The following CCNC variants were observed in gnomAD, a reference collection of about 807,000 sequenced individuals.
CCNC encodes cyclin C.
Under a neutral mutation model 50.0 loss-of-function variants are expected in CCNC, and 19 were observed. The ratio of observed to expected loss-of-function variants is 0.38; its 90% CI spans 0.27 to 0.56. The LOEUF is 0.56. CCNC is among the 20% of genes least tolerant of loss of function. The probability of loss-of-function intolerance (pLI) is 0.72; values close to 1 mark genes in which losing one functional copy is unlikely to be tolerated. For missense variants in CCNC, 200 were observed against 327.1 expected, an observed-to-expected ratio of 0.61 and a Z score of 3.00; for synonymous variants, 93 against 103.7, an observed-to-expected ratio of 0.90 and a Z score of 0.63.
chr6:99,554,023 ATATT>A (rs1307521896), intron 5 of CCNC, among the ~76,000 whole-genome samples: 1 of 151,840 alleles, frequency 6.6e-6, no homozygotes, highest in Non-Finnish European at 1.5e-5. Context: ...ATACCACATT[ATATT>A]TATTTGTCAT....
intron 10 of CCNC, among the ~76,000 whole-genome samples, chr6:99,546,125 C>T (rs1346841956): frequency 6.6e-6 from 1 of 152,022 alleles, no homozygotes; most frequent in African/African-American, 2.4e-5. Flanking sequence ...GCCACCACAC[C>T]CAGCTAATTT....
rs905104773 is a variant in CCNC, at chr6:99,542,807, T to C, written c.*748A>G. 5 of 152,556 alleles carry C rather than the reference T, an allele frequency of 3.3e-5. No individual in the cohort carries two copies. In the East Asian group the frequency reaches 7.7e-4, roughly 23 times the overall value. The allele number at this position is 152,556 out of a possible 1,614,324, so 9.5% of individuals were successfully genotyped here. On this transcript the variant is annotated 3_prime_UTR_variant, in exon 12 of 12. Transcript: ENST00000520429. ...AAAATTTTACCAAATTCCAACATTA[T>C]GGTTTTTGAATCCAATTAAGCTTTC...
At chr6:99,557,967 C>G (rs1210724842) in intron 5 of CCNC, 1 of 153,276 alleles carries the variant, frequency 6.5e-6, no homozygotes, top group Non-Finnish European at 1.4e-5. Flanking sequence ...TTTCCATGCT[C>G]TAAAACTGTG....
intron 3 of CCNC, 65 bp from the exon 4 acceptor site, chr6:99,561,501 G>GA: frequency 7.3e-7 from 1 of 1,377,078 alleles, no homozygotes; most frequent in South Asian, 1.3e-5. Flanking sequence ...AAAAAATCAA[G>GA]ATAACTCTAT....
intron 9 of CCNC, among the ~76,000 whole-genome samples, chr6:99,549,135 C>T (rs1802189801): frequency 6.6e-6 from 1 of 152,126 alleles, no homozygotes; most frequent in Non-Finnish European, 1.5e-5. Context: ...CTCCTTTACT[C>T]AACCTCTGAG....
At chr6:99,546,737 A>T (rs1393145787) in intron 9 of CCNC, among the ~76,000 whole-genome samples, 1 of 152,262 alleles carries the variant, frequency 6.6e-6, no homozygotes, top group Non-Finnish European at 1.5e-5. Context: ...GGCACGTTAA[A>T]GAGGAAAAAC....
chr6:99,550,334 A>T (rs776213015), intron 7 of CCNC, 25 bp from the exon 8 acceptor site: 1 of 1,506,842 alleles, frequency 6.6e-7, no homozygotes, highest in South Asian at 1.2e-5. Flanking sequence ...AAAAATGTGT[A>T]TGTATAAAAA....
chr6:99,563,700 T>A (rs1768965702), intron 1 of CCNC, among the ~76,000 whole-genome samples: 1 of 152,224 alleles, frequency 6.6e-6, no homozygotes, highest in Non-Finnish European at 1.5e-5. Flanking sequence ...TTTCCTTCAA[T>A]TTATGATCCA....
intron 4 of CCNC, among the ~76,000 whole-genome samples, chr6:99,559,870 C>G (rs1349549035): frequency 6.6e-6 from 1 of 151,950 alleles, no homozygotes; most frequent in African/African-American, 2.4e-5. Flanking sequence ...CAGGCATCTG[C>G]CACCACATCC....
intron 11 of CCNC, chr6:99,544,160 T>C: frequency 4.7e-6 from 7 of 1,502,404 alleles, no homozygotes; most frequent in Non-Finnish European, 6.2e-6. Flanking sequence ...TACTTAAAAA[T>C]AACTAAAACT....
chr6:99,552,318 A>T (rs919148798), intron 5 of CCNC, among the ~76,000 whole-genome samples: 3 of 152,222 alleles, frequency 2.0e-5, no homozygotes, highest in Admixed American at 1.3e-4. Flanking sequence ...GGAGGATAGT[A>T]CACCAAAAAA....
In CCNC at chr6:99,568,477, A is replaced by G. The variant is rs770340074; in HGVS notation, c.32+19T>C. ...CCCCCAAAAACCGGCCCCAGGTGAG[A>G]AGACGGAAGATCGCTTACTAGTGGG... On this transcript the variant is annotated intron_variant, in intron 1 of 11. Coordinates refer to ENST00000520429, the MANE Select transcript of CCNC (RefSeq NM_005190.4). The G allele has an allele frequency of 2.5e-6, 4 of 1,610,922 alleles. No individual in the cohort carries two copies. In the East Asian group the frequency reaches 9.0e-5, roughly 36 times the overall value.
intron 9 of CCNC, chr6:99,549,288 C>CA (rs34144372): frequency 0.082 from 39,786 of 484,770 alleles, 2 homozygotes; most frequent in South Asian, 0.093. Flanking sequence ...TGAATGGTTT[C>CA]AAAAAAAAAA....
At chr6:99,558,269 T>C in intron 5 of CCNC, 1 of 510,284 alleles carries the variant, frequency 2.0e-6, no homozygotes. Flanking sequence ...TTTGGATTGA[T>C]AATTACTATC....
intron 9 of CCNC, 77 bp downstream of exon 9, chr6:99,549,431 A>T: frequency 1.1e-6 from 1 of 927,880 alleles, no homozygotes; most frequent in Non-Finnish European, 1.8e-6. Flanking sequence ...AAAGTACAAT[A>T]GGGTGAAATT....
intron 1 of CCNC, chr6:99,567,070 A>T (rs1769159545): frequency 2.9e-6 from 1 of 345,724 alleles, no homozygotes; most frequent in African/African-American, 2.2e-5. Context: ...AATAGTTTCA[A>T]AGAAGTACAC....
At chr6:99,549,641 CAG>C in intron 8 of CCNC, 66 bp from the exon 9 acceptor site, 1 of 962,592 alleles carries the variant, frequency 1.0e-6, no homozygotes, top group Non-Finnish European at 1.6e-6. Flanking sequence ...ATATTTCCTC[CAG>C]AGAGGGCCAG....
chr6:99,554,421 C>T (rs1194072936), intron 5 of CCNC, among the ~76,000 whole-genome samples: 2 of 152,124 alleles, frequency 1.3e-5, no homozygotes, highest in Non-Finnish European at 2.9e-5. Flanking sequence ...GAGTTATGCT[C>T]CCTCTACTTG....
In CCNC at chr6:99,546,419, A is replaced by T; in HGVS notation, c.654T>A (p.Ala218=). The stretch of plus-strand genomic sequence containing the variant: ...CCTTTTCCATATCCACAGAAAGCTC[A>T]GCAAACCATTGCCTGGCATCTTTCT... ...VQQKDARQWF[A]ELSVDMEKIL... Residue 218 remains alanine, a synonymous_variant, in exon 10 of 12, where the codon GCT becomes GCA. Coordinates refer to ENST00000520429, the MANE Select transcript of CCNC (RefSeq NM_005190.4). 1 of 1,613,188 alleles carries T rather than the reference A, an allele frequency of 6.2e-7. No individual in the cohort carries two copies. Among genetic ancestry groups the T allele is most frequent in the Non-Finnish European group, 8.5e-7 (1 of 1,179,128 alleles).
Sources: gnomAD v4.1 joint callset for allele counts (sites outside exome capture counted in the v4.1 genomes callset) on GRCh38, gnomAD v4.1.1 for gene constraint, MANE v1.5 for transcripts, NCBI Gene and HGNC (gene_info 2026-07-23, HGNC 2026-07-21) for gene names.